Variants in HDC observed in about 807,000 individuals in gnomAD.
The protein encoded by HDC is histidine decarboxylase.
A neutral mutation model predicts 64.4 loss-of-function variants in HDC; 27 were observed. That is an observed-to-expected ratio of 0.42 (90% confidence interval 0.31 to 0.58). The LOEUF is 0.58. Among genes scored for constraint, HDC ranks in the 20% least tolerant of loss-of-function variants. HDC has a pLI of 0.16. For missense variants in HDC, 711 were observed against 833.9 expected, an observed-to-expected ratio of 0.85 and a Z score of 1.81; for synonymous variants, 305 against 314.2, an observed-to-expected ratio of 0.97 and a Z score of 0.31.
Position 50,242,265 on chromosome 15 carries a change from C to A in HDC, c.1984G>T (p.Val662Phe). The change falls in exon 12 of 12, where the codon GTT (valine) becomes TTT (phenylalanine). Residue 662 changes from valine to phenylalanine, a missense_variant. Physicochemically the swap from Val to Phe is conservative, Grantham distance 50. Coordinates refer to ENST00000267845, the MANE Select transcript of HDC (RefSeq NM_002112.4). ...QLPCCPLQAM[V>F] ...TCTGGCTGAAGGCCCTGTGTCTAAA[C>A]CATGGCCTGCAGAGGGCAACAGGGC... 6.2e-7 allele frequency: 1 copy of A among 1,613,628 alleles called. No individual in the cohort carries two copies. The highest frequency in any genetic ancestry group is 8.5e-7 in the Non-Finnish European group (1 of 1,179,492).
At chr15:50,257,750 C>T (rs1022613792) in intron 3 of HDC, among the ~76,000 whole-genome samples, 1 of 152,164 alleles carries the variant, frequency 6.6e-6, no homozygotes, top group African/African-American at 2.4e-5. Context: ...TCATGCTGCC[C>T]TCAATGAGGC....
In HDC at chr15:50,252,622, T is replaced by C; in HGVS notation, c.940A>G (p.Thr314Ala). 1 of 1,614,008 alleles carries C rather than the reference T, an allele frequency of 6.2e-7. No homozygotes were observed. The highest frequency in any genetic ancestry group is 8.5e-7 in the Non-Finnish European group (1 of 1,179,994). Residue 314 changes from threonine to alanine, a missense_variant, in exon 8 of 12, where the codon ACT (threonine) becomes GCT (alanine). This residue lies in a region of HDC where 483 missense variants were observed against 540.9 expected (regional missense o/e 0.89). Transcript: ENST00000267845. ...SKWMMVHFDC[T>A]GFWVKDKYKL... ...GGCTGCTACACTCACCAGAACCCAG[T>C]ACAGTCAAAATGCACCATCATCCAC...
At chr15:50,258,241 A>G (rs973789856) in intron 3 of HDC, among the ~76,000 whole-genome samples, 163 bp downstream of exon 3, 3 of 152,180 alleles carry the variant, frequency 2.0e-5, no homozygotes, top group Non-Finnish European at 4.4e-5. Flanking sequence ...GGGTTAAAGG[A>G]TGTGATGAGA....
In HDC at chr15:50,242,246, T is replaced by C; in HGVS notation, c.*14A>G. 1 of 1,610,600 alleles carries C rather than the reference T, an allele frequency of 6.2e-7. No individual in the cohort carries two copies. The highest frequency in any genetic ancestry group is 1.1e-5 in the South Asian group (1 of 91,008). On this transcript the variant is annotated 3_prime_UTR_variant, in exon 12 of 12. Coordinates refer to ENST00000267845, the MANE Select transcript of HDC (RefSeq NM_002112.4). ...CTGAAGTATATCCTCAGACTCTGGC[T>C]GAAGGCCCTGTGTCTAAACCATGGC...
At chr15:50,259,476 C>T (rs1184140617) in intron 2 of HDC, among the ~76,000 whole-genome samples, 1 of 152,184 alleles carries the variant, frequency 6.6e-6, no homozygotes, top group Admixed American at 6.5e-5. Flanking sequence ...GGCCCCCCAT[C>T]AGAACTCAGA....
intron 4 of HDC, among the ~76,000 whole-genome samples, chr15:50,255,690 C>T (rs548294534): frequency 7.9e-5 from 12 of 152,092 alleles, no homozygotes; most frequent in African/African-American, 2.4e-4. Context: ...GTCCCAGCTA[C>T]GTGGGAGGCT....
rs2045405962 is a variant in HDC, at chr15:50,242,355, T to G, written c.1894A>C (p.Lys632Gln). 1 of 1,614,008 alleles carries G rather than the reference T, an allele frequency of 6.2e-7. No individual in the cohort carries two copies. The highest frequency in any genetic ancestry group is 1.3e-5 in the African/African-American group (1 of 74,880). ...MMMLKKSAFK[K>Q]LIKFYSVPSF... ...GGGACGCTGTAGAATTTGATGAGTT[T>G]TTTGAAGGCACTTTTCTTCAGCATC... The change falls in exon 12 of 12, where the codon AAA (lysine) becomes CAA (glutamine). Residue 632 changes from lysine to glutamine, a missense_variant. Lys to Gln is a moderately conservative substitution (Grantham distance 53). Coordinates refer to ENST00000267845, the MANE Select transcript of HDC (RefSeq NM_002112.4).
chr15:50,263,474 C>T (rs566574154), intron 1 of HDC, 67 bp from the exon 2 acceptor site: 1 of 1,479,326 alleles, frequency 6.8e-7, no homozygotes, highest in Non-Finnish European at 9.4e-7. Context: ...GTGCCCATCC[C>T]TCTCAGGTCC....
intron 10 of HDC, among the ~76,000 whole-genome samples, chr15:50,245,951 C>G (rs2045476126): frequency 6.6e-6 from 1 of 152,122 alleles, no homozygotes; most frequent in African/African-American, 2.4e-5. Flanking sequence ...AGTAATTTGT[C>G]TAAGGTCATC....
chr15:50,249,300 T>C (rs911013465), intron 9 of HDC, among the ~76,000 whole-genome samples: 3 of 152,264 alleles, frequency 2.0e-5, no homozygotes, highest in African/African-American at 7.2e-5. Flanking sequence ...ACAGTTATTC[T>C]AATGAGTCAC....
chr15:50,258,723 A>G (rs1180186290), intron 2 of HDC, among the ~76,000 whole-genome samples: 2 of 152,242 alleles, frequency 1.3e-5, no homozygotes, highest in Non-Finnish European at 2.9e-5. Context: ...ATGCTAGATC[A>G]TCAGTGGAGC....
chr15:50,242,494 G>A lies in HDC; in HGVS notation c.1755C>T (p.Leu585=), dbSNP rs2045409135. ...VQTKKKTVRS[L]SCNSVPVSAQ... is the part of the protein sequence containing the mutation. ...CACTCACTGGCACACTGTTGCAACT[G>A]AGGGAGCGCACCGTCTTCTTCTTAG... The change falls in exon 12 of 12, where the codon CTC becomes CTT. Residue 585 remains leucine (L), a synonymous_variant. Transcript: ENST00000267845. 6.2e-7 allele frequency: 1 copy of A among 1,614,092 alleles called. No individual in the cohort carries two copies. Among genetic ancestry groups the A allele is most frequent in the African/African-American group, 1.3e-5 (1 of 74,934 alleles).
At chr15:50,255,836 G>A (rs1342031196) in intron 4 of HDC, among the ~76,000 whole-genome samples, 1 of 152,136 alleles carries the variant, frequency 6.6e-6, no homozygotes, top group Non-Finnish European at 1.5e-5. Context: ...CCTTCCATCT[G>A]TATTGCAATT....
intron 1 of HDC, among the ~76,000 whole-genome samples, chr15:50,264,601 G>A (rs1029288747): frequency 1.3e-5 from 2 of 152,168 alleles, no homozygotes; most frequent in African/African-American, 4.8e-5. Context: ...ATGTGTGTGT[G>A]TGTACATATC....
chr15:50,243,128 G>A lies in HDC; in HGVS notation c.1242+15C>T. ...CAAGACATCATTCACAGAGGGGCTT[G>A]GAAGATGGTATTACCTTTAGACGAA... On this transcript the variant is annotated intron_variant, in intron 11 of 11. Coordinates refer to ENST00000267845, the MANE Select transcript of HDC (RefSeq NM_002112.4). The A allele has an allele frequency of 2.5e-6, 4 of 1,611,602 alleles. No individual in the cohort carries two copies. The highest frequency in any genetic ancestry group is 1.1e-5 in the South Asian group (1 of 91,040).
chr15:50,252,310 G>C (rs2045566729), intron 9 of HDC, 120 bp downstream of exon 9: 2 of 758,328 alleles, frequency 2.6e-6, no homozygotes, highest in Non-Finnish European at 4.7e-6. Context: ...AGTATTATGA[G>C]ATGAGCTCAT....
chr15:50,255,152 A>G (rs1425129935), intron 4 of HDC, among the ~76,000 whole-genome samples: 1 of 152,178 alleles, frequency 6.6e-6, no homozygotes, highest in Non-Finnish European at 1.5e-5. Flanking sequence ...TTTCCCCTCC[A>G]GAAGACTCTT....
intron 9 of HDC, among the ~76,000 whole-genome samples, chr15:50,251,704 C>T (rs553556526): frequency 6.6e-6 from 1 of 152,116 alleles, no homozygotes; most frequent in African/African-American, 2.4e-5. Context: ...CGGTGGCTCA[C>T]GCCTGTAGTC....
chr15:50,245,173 T>A (rs1239583133), intron 10 of HDC, among the ~76,000 whole-genome samples: 1 of 152,238 alleles, frequency 6.6e-6, no homozygotes, highest in African/African-American at 2.4e-5. Flanking sequence ...CCGCTCTAGG[T>A]CAAGGGCAGG....
Sources: gnomAD v4.1 joint callset for allele counts (sites outside exome capture counted in the v4.1 genomes callset) on GRCh38, gnomAD v4.1.1 for gene constraint, gnomAD v4.1.1 regional missense constraint, MANE v1.5 for transcripts, NCBI Gene and HGNC (gene_info 2026-07-23, HGNC 2026-07-21) for gene names.